Variants in TRMU observed in about 807,000 individuals in gnomAD.
The protein encoded by TRMU is mitochondrial tRNA-specific 2-thiouridylase 1.
TRMU carries 49 observed loss-of-function variants against 46.9 expected under a neutral mutation model. The observed-to-expected ratio is 1.05, with a 90% confidence interval of 0.83 to 1.33. The LOEUF (loss-of-function observed/expected upper bound fraction) is 1.33, where lower values mean the gene tolerates loss of function less well. Among genes scored for constraint, TRMU ranks in the 40% most tolerant of loss-of-function variants. The probability of loss-of-function intolerance (pLI) is 0.00; values close to 1 mark genes in which losing one functional copy is unlikely to be tolerated. For synonymous variants in TRMU, 241 were observed against 200.9 expected (o/e 1.20, Z -1.69); for missense variants, 572 against 532.4 (o/e 1.07, Z -0.73).
In TRMU at chr22:46,356,895, G is replaced by T. The variant is rs1307778939; in HGVS notation, c.1155G>T (p.Arg385=). ...GCCTGGGCAGCGGGAAGATCCTGCG[G>T]CTGGGGCCGTCTGCCTACACGCTCC... ...DECLGSGKIL[R]LGPSAYTLQK... is the part of the protein sequence containing the mutation. The change falls in exon 11 of 11, where the codon CGG becomes CGT. Residue 385 remains arginine, a synonymous_variant. Transcript: ENST00000645190. 1 of 1,613,314 alleles carries T rather than the reference G, an allele frequency of 6.2e-7. No individual in the cohort carries two copies. Among genetic ancestry groups the T allele is most frequent in the Admixed American group, 1.7e-5 (1 of 60,030 alleles).
chr22:46,355,398 G>A lies in TRMU; in HGVS notation c.874-46G>A, dbSNP rs760125616. On this transcript the variant is annotated intron_variant, in intron 8 of 10. Coordinates refer to ENST00000645190, the MANE Select transcript of TRMU (RefSeq NM_018006.5). ...GGGACCACACTGAGGCCGGCCTTGG[G>A]GCCAGGTGCCCCTCGGCGTCCCCAC... is the stretch of plus-strand genomic sequence containing the variant. 1.9e-6 allele frequency: 3 copies of A among 1,604,684 alleles called. No individual in the cohort carries two copies. The Admixed American group carries it at 5.1e-5, about 27-fold the overall frequency.
intron 3 of TRMU, among the ~76,000 whole-genome samples, chr22:46,343,720 A>T (rs1436938011): frequency 6.6e-6 from 1 of 152,028 alleles, no homozygotes; most frequent in African/African-American, 2.4e-5. Context: ...GCTTGCTTAG[A>T]CCACCTCTTG....
chr22:46,335,913 C>A, intron 1 of TRMU, 67 bp downstream of exon 1: 3 of 1,523,366 alleles, frequency 2.0e-6, no homozygotes, highest in African/African-American at 1.4e-5. Flanking sequence ...CCCCGTCCGT[C>A]GTGGCGTTGT....
rs1227254110 is a variant in TRMU at position 46,347,257 on chromosome 22, A to C, written c.478+713A>C. ...CTTGCTCTTTTGTCCGGAAGTTCAGATGTTGGAGGGAGCCTTGTCCCGCCA... is the reference window on the plus strand; with the variant it reads ...CTTGCTCTTTTGTCCGGAAGTTCAGCTGTTGGAGGGAGCCTTGTCCCGCCA... On this transcript the variant is annotated intron_variant, in intron 4 of 10. Coordinates refer to ENST00000645190, the MANE Select transcript of TRMU (RefSeq NM_018006.5). The surrounding 1 kb of genome is among the most constrained non-coding windows in gnomAD (Gnocchi z 5.0). The C allele has an allele frequency of 6.6e-6, 1 of 152,392 alleles. No homozygotes were observed. The highest frequency in any genetic ancestry group is 2.4e-5 in the African/African-American group (1 of 41,442). 9.4% of individuals were successfully genotyped at this position (152,392 alleles called of 1,614,324 possible).
At position 46,335,786 on chromosome 22, in the gene TRMU, G is replaced by T. The variant is rs774656347; in HGVS notation, c.22G>T (p.Val8Leu). 3.2e-6 allele frequency: 5 copies of T among 1,558,782 alleles called. No individual in the cohort carries two copies. The highest frequency in any genetic ancestry group is 1.2e-5 in the South Asian group (1 of 85,754). Residue 8 changes from valine (V) to leucine (L), a missense_variant, in exon 1 of 11, where the codon GTG (valine) becomes TTG (leucine). Transcript: ENST00000645190. ...GCGGATGCAGGCCTTGCGGCACGTC[G>T]TGTGCGCCCTGTCCGGCGGCGTGGA... The part of the protein sequence containing the change: MQALRHV[V>L]CALSGGVDSA...
rs768383246 is a variant in TRMU at position 46,357,032 on chromosome 22, C to T, written c.*26C>T. 5 of 1,613,098 alleles carry T rather than the reference C, an allele frequency of 3.1e-6. No homozygotes were observed. In the Admixed American group the frequency reaches 8.3e-5, roughly 27 times the overall value. ...CAGAGATGGATCTGCTAGAAGGAAC[C>T]TGGAGAGCAGGACCCATGGCTGGGC... is the stretch of plus-strand genomic sequence containing the variant. On this transcript the variant is annotated 3_prime_UTR_variant, in exon 11 of 11. Transcript: ENST00000645190.
intron 4 of TRMU, 54 bp downstream of exon 4, chr22:46,346,598 T>C: frequency 6.3e-7 from 1 of 1,586,218 alleles, no homozygotes; most frequent in Non-Finnish European, 8.6e-7. Context: ...ATTGAAATCT[T>C]TGGAGGAATG....
rs1298949810 is a variant in TRMU at position 46,346,432 on chromosome 22, C to T, written c.366C>T (p.Ala122=). 6.2e-7 allele frequency: 1 copy of T among 1,613,086 alleles called. No homozygotes were observed. Among genetic ancestry groups the T allele is most frequent in the Non-Finnish European group, 8.5e-7 (1 of 1,179,326 alleles). ...HYAVDNLGAD[A]IATGHYARTS... is the part of the protein sequence containing the mutation. Reference sequence around the variant, plus strand: ...CTAAAAACCTCACAGGGGCAGATGCCATTGCCACAGGTCACTATGCAAGAA... The same window carrying T: ...CTAAAAACCTCACAGGGGCAGATGCTATTGCCACAGGTCACTATGCAAGAA... Residue 122 remains alanine (A), a synonymous_variant, in exon 4 of 11, where the codon GCC becomes GCT. Coordinates refer to ENST00000645190, the MANE Select transcript of TRMU (RefSeq NM_018006.5).
chr22:46,344,322 C>T (rs549368664), intron 3 of TRMU, among the ~76,000 whole-genome samples: 60 of 152,282 alleles, frequency 3.9e-4, no homozygotes, highest in Admixed American at 2.2e-3. Flanking sequence ...AGGGGTGATG[C>T]GTCCCCTGTG....
At position 46,348,960 on chromosome 22, in the gene TRMU, C is replaced by T. The variant is rs975020844; in HGVS notation, c.479-1331C>T. Among the ~76,000 whole-genome samples the T allele has an allele frequency of 4.8e-4, 73 of 151,962 alleles. No homozygotes were observed. The highest frequency in any genetic ancestry group is 1.7e-3 in the African/African-American group (70 of 41,382). Reference sequence around the variant, plus strand: ...CCAGCCTGGCCAACATGGTGAAACCCCATCTCTACTACAAATACAAAAAAA... The same window carrying T: ...CCAGCCTGGCCAACATGGTGAAACCTCATCTCTACTACAAATACAAAAAAA... On this transcript the variant is annotated intron_variant, in intron 4 of 10. Transcript: ENST00000645190. The surrounding 1 kb of genome is among the most constrained non-coding windows in gnomAD (Gnocchi z 4.8).
chr22:46,340,696 G>A (rs2078099410), intron 2 of TRMU, among the ~76,000 whole-genome samples: 1 of 141,712 alleles, frequency 7.1e-6, no homozygotes, highest in African/African-American at 2.6e-5. Context: ...CCAGAATTAG[G>A]AGCGGAGCTG....
chr22:46,346,336 C>T, intron 3 of TRMU, 86 bp from the exon 4 acceptor site: 2 of 1,534,258 alleles, frequency 1.3e-6, no homozygotes, highest in Middle Eastern at 2.0e-4. Context: ...GGGGTCTATA[C>T]TCTTCTTTTG....
Position 46,350,912 on chromosome 22 carries a change from G to C in TRMU, c.651+449G>C, listed in dbSNP as rs532032058. ...TGTTCGGGCGCTGTGCTGCTGGGCC[G>C]CGAGGAATTGGTGACGCGCACACAG... On this transcript the variant is annotated intron_variant, in intron 5 of 10. Transcript: ENST00000645190. This position sits in a 1 kb window ranked among gnomAD's most constrained non-coding sequence, Gnocchi z 4.6. Among the ~76,000 whole-genome samples, 2 of 152,228 alleles carry C rather than the reference G, an allele frequency of 1.3e-5. No individual in the cohort carries two copies. The highest frequency in any genetic ancestry group is 4.8e-5 in the African/African-American group (2 of 41,462).
chr22:46,352,403 C>G, intron 7 of TRMU, 73 bp downstream of exon 7: 1 of 1,555,412 alleles, frequency 6.4e-7, no homozygotes, highest in East Asian at 2.2e-5. Context: ...GGAGACTAGA[C>G]CAGAGTTCCT....
In TRMU at chr22:46,336,097, C is replaced by G; in HGVS notation, c.82+251C>G. On this transcript the variant is annotated intron_variant, in intron 1 of 10. Transcript: ENST00000645190. This position sits in a 1 kb window ranked among gnomAD's most constrained non-coding sequence, Gnocchi z 4.1. ...CCGCGCCCCTCTCCACCCACGCGCG[C>G]CCACCCACAGTGAGAAGCCGGCGGG... 1 of 1,367,300 alleles carries G rather than the reference C, an allele frequency of 7.3e-7. No individual in the cohort carries two copies. Among genetic ancestry groups the G allele is most frequent in the Non-Finnish European group, 9.4e-7 (1 of 1,063,266 alleles). 84.7% of individuals were successfully genotyped at this position (1,367,300 alleles called of 1,614,324 possible).
rs1270618352 is a variant in TRMU at position 46,338,662 on chromosome 22, G to A, written c.248+718G>A. ...AAGTTGTAGAGAAGGGACTCCAAAT[G>A]GGGTAACGAGAGCAGCGTGAAGGGG... On this transcript the variant is annotated intron_variant, in intron 2 of 10. Coordinates refer to ENST00000645190, the MANE Select transcript of TRMU (RefSeq NM_018006.5). The surrounding 1 kb of genome is among the most constrained non-coding windows in gnomAD (Gnocchi z 4.5). Among the ~76,000 whole-genome samples, 1 of 152,216 alleles carries A rather than the reference G, an allele frequency of 6.6e-6. No individual in the cohort carries two copies. Among genetic ancestry groups the A allele is most frequent in the Non-Finnish European group, 1.5e-5 (1 of 68,032 alleles).
chr22:46,338,141 C>A lies in TRMU; in HGVS notation c.248+197C>A. 2 of 647,086 alleles carry A rather than the reference C, an allele frequency of 3.1e-6. No individual in the cohort carries two copies. Among genetic ancestry groups the A allele is most frequent in the South Asian group, 1.7e-5 (1 of 58,652 alleles). 40.1% of individuals were successfully genotyped at this position (647,086 alleles called of 1,614,324 possible). The stretch of plus-strand genomic sequence containing the variant: ...GCGAGGCCTGGACCCCACAGCACAC[C>A]CAGCTCTCTCACTCCTGTCATTTTG... On this transcript the variant is annotated intron_variant, in intron 2 of 10. Transcript: ENST00000645190. This position sits in a 1 kb window ranked among gnomAD's most constrained non-coding sequence, Gnocchi z 4.5.
intron 3 of TRMU, among the ~76,000 whole-genome samples, chr22:46,344,929 T>C (rs538228760): frequency 6.6e-6 from 1 of 152,364 alleles, no homozygotes; most frequent in African/African-American, 2.4e-5. Context: ...TAATTCTTGC[T>C]GTGTCTTCTG....
intron 8 of TRMU, chr22:46,354,251 G>C: frequency 3.3e-6 from 1 of 305,382 alleles, no homozygotes; most frequent in Non-Finnish European, 6.4e-6. Flanking sequence ...GGCAGGTGCA[G>C]ATGGCCAAGC....
Sources: gnomAD v4.1 joint callset for allele counts (sites outside exome capture counted in the v4.1 genomes callset) on GRCh38, gnomAD v4.1.1 for gene constraint, Gnocchi (gnomAD v3.1) non-coding constraint, MANE v1.5 for transcripts, NCBI Gene and HGNC (gene_info 2026-07-23, HGNC 2026-07-21) for gene names.